FYB2: variants seen among roughly 807,000 people sequenced by gnomAD.
FYB2 encodes the protein FYN binding protein 2, also known as FYN-binding protein 2.
In FYB2, 103 loss-of-function variants were observed where a neutral mutation model predicts 94.1. That is an observed-to-expected ratio of 1.09 (90% CI 0.93 to 1.29). FYB2 has a LOEUF of 1.29. Among genes scored for constraint, FYB2 ranks in the 50% most tolerant of loss-of-function variants. FYB2 has a pLI of 0.00. For missense variants in FYB2, 896 were observed against 841.5 expected (o/e 1.06, Z -0.80); for synonymous variants, 293 against 287.9 (o/e 1.02, Z -0.18).
At chr1:56,742,305 A>G (rs1644974335) in intron 11 of FYB2, 84 bp from the exon 12 acceptor site, 1 of 985,194 alleles carries the variant, frequency 1.0e-6, no homozygotes, top group African/African-American at 1.7e-5. Context: ...TTAGATACTT[A>G]CTAGATGCTA....
intron 13 of FYB2, 116 bp from the exon 14 acceptor site, chr1:56,738,769 A>G: frequency 9.8e-7 from 1 of 1,023,312 alleles, no homozygotes. Flanking sequence ...TTGCCCTGGT[A>G]TTCTCTGACT....
chr1:56,812,425 C>T (rs934918988), intron 1 of FYB2, among the ~76,000 whole-genome samples: 1 of 152,170 alleles, frequency 6.6e-6, no homozygotes, highest in African/African-American at 2.4e-5. Flanking sequence ...TCTACTCTGT[C>T]TGTAAAATGG....
chr1:56,805,834 T>C (rs1646633904), intron 1 of FYB2, among the ~76,000 whole-genome samples: 1 of 152,166 alleles, frequency 6.6e-6, no homozygotes, highest in Non-Finnish European at 1.5e-5. Context: ...AAGATGTGAC[T>C]TGCTCCTCCT....
chr1:56,731,341 TA>T, intron 15 of FYB2, among the ~76,000 whole-genome samples: 1 of 152,252 alleles, frequency 6.6e-6, no homozygotes, highest in Middle Eastern at 3.4e-3. Flanking sequence ...CAATTTAAAA[TA>T]TTTTTTTAAA....
rs1646572223 is a variant in FYB2, at chr1:56,803,670, T to TAAG, written c.10-10868_10-10867insCTT. On this transcript the variant is annotated intron_variant, in intron 1 of 19. Coordinates refer to ENST00000343433, the MANE Select transcript of FYB2 (RefSeq NM_001004303.5). Reference sequence around the variant, plus strand: ...CACAAGTATCTATCAGTTAAAGTGCTAATTCCTTCACCTCCTTGATCTGGT... The same window carrying TAAG: ...CACAAGTATCTATCAGTTAAAGTGCTAAGAATTCCTTCACCTCCTTGATCTGGT... Among the ~76,000 whole-genome samples, 3 of 152,226 alleles carry TAAG rather than the reference T, an allele frequency of 2.0e-5. No individual in the cohort carries two copies. In the South Asian group the frequency reaches 6.2e-4, roughly 32 times the overall value.
chr1:56,818,997 A>T (rs1646950245), intron 1 of FYB2, among the ~76,000 whole-genome samples: 1 of 152,196 alleles, frequency 6.6e-6, no homozygotes, highest in African/African-American at 2.4e-5. Flanking sequence ...ATAGGTCAGG[A>T]GTCCAGCTGG....
intron 1 of FYB2, 77 bp from the exon 2 acceptor site, chr1:56,792,880 T>A: frequency 7.0e-7 from 1 of 1,429,212 alleles, no homozygotes; most frequent in Admixed American, 2.1e-5. Flanking sequence ...AGTGTCTCAT[T>A]ATTCCAAGAA....
At chr1:56,780,616 C>T (rs1645986639) in intron 4 of FYB2, among the ~76,000 whole-genome samples, 1 of 152,134 alleles carries the variant, frequency 6.6e-6, no homozygotes, top group South Asian at 2.1e-4. Context: ...ACTTACTGTA[C>T]TTCATGGGTG....
At chr1:56,763,011 T>C (rs1645535580) in intron 5 of FYB2, among the ~76,000 whole-genome samples, 1 of 152,222 alleles carries the variant, frequency 6.6e-6, no homozygotes, top group Admixed American at 6.5e-5. Flanking sequence ...TAATTTTTCT[T>C]CTTTATCCTG....
intron 12 of FYB2, 47 bp from the exon 13 acceptor site, chr1:56,740,842 C>G (rs1557597152): frequency 7.7e-7 from 1 of 1,292,092 alleles, no homozygotes; most frequent in Non-Finnish European, 1.1e-6. Flanking sequence ...TAAGAGAGTA[C>G]TAGAGATAGA....
At chr1:56,796,448 G>A (rs773678786) in intron 1 of FYB2, among the ~76,000 whole-genome samples, 1 of 152,174 alleles carries the variant, frequency 6.6e-6, no homozygotes, top group East Asian at 1.9e-4. Context: ...ACCTCCCTTC[G>A]ATTCTTCCTC....
chr1:56,763,423 T>C (rs1167787906), intron 5 of FYB2, among the ~76,000 whole-genome samples: 1 of 152,166 alleles, frequency 6.6e-6, no homozygotes. Context: ...ATGCATTCAG[T>C]TTTTCTTGAG....
At chr1:56,774,367 G>A (rs1645827829) in intron 4 of FYB2, among the ~76,000 whole-genome samples, 1 of 152,044 alleles carries the variant, frequency 6.6e-6, no homozygotes, top group Admixed American at 6.5e-5. Flanking sequence ...GTAGTGCTTG[G>A]CATAAAGCGT....
intron 15 of FYB2, among the ~76,000 whole-genome samples, chr1:56,733,942 A>T (rs537073347): frequency 6.6e-6 from 1 of 152,220 alleles, no homozygotes; most frequent in South Asian, 2.1e-4. Context: ...CTTGGTGCAG[A>T]GCTGAGTTCA....
intron 5 of FYB2, 144 bp downstream of exon 5, chr1:56,767,685 G>GA (rs879650358): frequency 0.017 from 9,476 of 556,138 alleles, 1 homozygote; most frequent in South Asian, 0.022. Flanking sequence ...ACCAGACACA[G>GA]AAAAAAAAAA....
At chr1:56,728,779 C>G (rs1202050949) in intron 15 of FYB2, among the ~76,000 whole-genome samples, 1 of 152,106 alleles carries the variant, frequency 6.6e-6, no homozygotes, top group Non-Finnish European at 1.5e-5. Context: ...TGTTTCAAAG[C>G]AACCAAATTC....
In FYB2 at chr1:56,792,118, C is replaced by T. The variant is rs1310160421; in HGVS notation, c.695G>A (p.Arg232Lys). 6.2e-7 allele frequency: 1 copy of T among 1,613,018 alleles called. No homozygotes were observed. ...CTGGCAGGGGCTGCTTGCCGGGCTC[C>T]TCTCAGGAGGTGGGTTTTCCCAGCT... ...RKSWENPPPERSPASSPCQPI... is the reference protein window; with the variant it reads ...RKSWENPPPEKSPASSPCQPI... Residue 232 changes from arginine to lysine, a missense_variant, in exon 2 of 20, where the codon AGG becomes AAG. Coordinates refer to ENST00000343433, the MANE Select transcript of FYB2 (RefSeq NM_001004303.5).
chr1:56,783,841 C>G (rs910964698), intron 4 of FYB2, among the ~76,000 whole-genome samples: 2 of 152,106 alleles, frequency 1.3e-5, no homozygotes, highest in Non-Finnish European at 2.9e-5. Flanking sequence ...ATATAAGGCT[C>G]TCAAGGTGTT....
At chr1:56,762,143 T>C (rs1279958589) in intron 5 of FYB2, 1 of 152,330 alleles carries the variant, frequency 6.6e-6, no homozygotes, top group Non-Finnish European at 1.5e-5. Flanking sequence ...TACTGATAAT[T>C]CTTAAAACTG....
Sources: gnomAD v4.1 joint callset for allele counts (sites outside exome capture counted in the v4.1 genomes callset) on GRCh38, gnomAD v4.1.1 for gene constraint, MANE v1.5 for transcripts, NCBI Gene and HGNC (gene_info 2026-07-23, HGNC 2026-07-21) for gene names.